The following ADAMTS9 variants were observed in gnomAD, a reference collection of about 807,000 sequenced individuals.
ADAMTS9 encodes the protein A disintegrin and metalloproteinase with thrombospondin motifs 9.
ADAMTS9 carries 107 observed loss-of-function variants against 257.1 expected under a neutral mutation model. The observed-to-expected ratio is 0.42, with a 90% CI of 0.36 to 0.49. The LOEUF (loss-of-function observed/expected upper bound fraction) is 0.49, where lower values mean the gene tolerates loss of function less well. Among genes scored for constraint, ADAMTS9 ranks in the 20% least tolerant of loss-of-function variants. ADAMTS9 has a pLI of 0.03. For synonymous variants in ADAMTS9, 982 were observed against 880.9 expected, an observed-to-expected ratio of 1.11 and a Z score of -2.03; for missense variants, 2,353 against 2,469.1, an observed-to-expected ratio of 0.95 and a Z score of 1.00.
At chr3:64,611,814 T>C (rs1033089430) in intron 22 of ADAMTS9, among the ~76,000 whole-genome samples, 5 of 152,024 alleles carry the variant, frequency 3.3e-5, no homozygotes, top group Non-Finnish European at 5.9e-5. Flanking sequence ...GACCCAAGAG[T>C]TGGGGACCCC....
At chr3:64,621,281 C>A (rs764394702) in intron 18 of ADAMTS9, 41 bp from the exon 19 acceptor site, 1 of 1,579,830 alleles carries the variant, frequency 6.3e-7, no homozygotes, top group Admixed American at 1.8e-5. Flanking sequence ...GGAAAATAAT[C>A]TATTCCATAA....
In ADAMTS9 at chr3:64,622,193, G is replaced by C; in HGVS notation, c.2686+5C>G. On this transcript the variant is annotated splice_donor_5th_base_variant and intron_variant, in intron 18 of 39. Coordinates refer to ENST00000498707, the MANE Select transcript of ADAMTS9 (RefSeq NM_182920.2). ...ATCCCCAGAACTCAAATTCAAAGCA[G>C]ATACCTTGGCAGGGTTTACTGCATG... 1.2e-6 allele frequency: 2 copies of C among 1,605,286 alleles called. No homozygotes were observed. Among genetic ancestry groups the C allele is most frequent in the Middle Eastern group, 3.3e-4 (2 of 5,982 alleles).
At chr3:64,683,463 G>A (rs569521424) in intron 2 of ADAMTS9, among the ~76,000 whole-genome samples, 9 of 152,292 alleles carry the variant, frequency 5.9e-5, no homozygotes, top group East Asian at 3.9e-4. Flanking sequence ...AAATCCCAGC[G>A]CTGCCACTTA....
At chr3:64,647,406 G>A (rs1216925737) in intron 11 of ADAMTS9, among the ~76,000 whole-genome samples, 1 of 152,086 alleles carries the variant, frequency 6.6e-6, no homozygotes, top group Non-Finnish European at 1.5e-5. Flanking sequence ...CAAATCAGTA[G>A]GAACAATTAT....
At position 64,686,754 on chromosome 3, in the gene ADAMTS9, T is replaced by A. The variant is rs756913202; in HGVS notation, c.330A>T (p.Leu110=). 1.2e-6 allele frequency: 2 copies of A among 1,614,018 alleles called. No homozygotes were observed. Among genetic ancestry groups the A allele is most frequent in the South Asian group, 2.2e-5 (2 of 91,068 alleles). Residue 110 remains leucine (L), a synonymous_variant, in exon 2 of 40, where the codon CTA becomes CTT. Transcript: ENST00000498707. The surrounding 1 kb of genome is among the most constrained non-coding windows in gnomAD (Gnocchi z 4.6). ...YRLSAFGQQF[L]FNLTANAGFI... ...ATCCGGCATTGGCGGTGAGATTAAA[T>A]AGAAACTGCTGGCCGAAGGCAGAGA...
intron 4 of ADAMTS9, among the ~76,000 whole-genome samples, chr3:64,658,018 G>A (rs973503745): frequency 6.6e-6 from 1 of 152,112 alleles, no homozygotes; most frequent in East Asian, 1.9e-4. Flanking sequence ...AGGTGACTAT[G>A]GTTCACAACC....
intron 38 of ADAMTS9, among the ~76,000 whole-genome samples, chr3:64,522,675 C>T (rs1257206061): frequency 1.3e-5 from 2 of 152,044 alleles, no homozygotes; most frequent in Non-Finnish European, 2.9e-5. Context: ...CAGCTTCATA[C>T]TGCTTCTCGG....
chr3:64,536,571 T>G (rs115345137), intron 37 of ADAMTS9, among the ~76,000 whole-genome samples: 198 of 152,336 alleles, frequency 1.3e-3, no homozygotes, highest in African/African-American at 4.6e-3. Context: ...ATCATGGATA[T>G]GAATTCAGAC....
intron 4 of ADAMTS9, among the ~76,000 whole-genome samples, chr3:64,658,091 A>G (rs1174236784): frequency 6.6e-6 from 1 of 152,098 alleles, no homozygotes; most frequent in Non-Finnish European, 1.5e-5. Context: ...TGAGGCAAAA[A>G]GCATTGGTTT....
At chr3:64,605,126 C>T (rs978778444) in intron 23 of ADAMTS9, among the ~76,000 whole-genome samples, 3 of 152,138 alleles carry the variant, frequency 2.0e-5, no homozygotes, top group African/African-American at 4.8e-5. Context: ...AATTTTGTTA[C>T]GTGGCTCCAG....
At chr3:64,676,666 T>A (rs1311692888) in intron 3 of ADAMTS9, among the ~76,000 whole-genome samples, 1 of 152,226 alleles carries the variant, frequency 6.6e-6, no homozygotes, top group African/African-American at 2.4e-5. Context: ...CATAATGTAT[T>A]GATCTATCTT....
chr3:64,631,237 T>C lies in ADAMTS9; in HGVS notation c.2389+218A>G, dbSNP rs539763229. ...TTTTTTAAGATCCAGAGTAAATCCCTTGATATCAAATAGTGCAGCTACACA... is the reference window on the plus strand; with the variant it reads ...TTTTTTAAGATCCAGAGTAAATCCCCTGATATCAAATAGTGCAGCTACACA... On this transcript the variant is annotated intron_variant, in intron 16 of 39. Coordinates refer to ENST00000498707, the MANE Select transcript of ADAMTS9 (RefSeq NM_182920.2). Among the ~76,000 whole-genome samples the C allele has an allele frequency of 9.9e-4, 151 of 152,358 alleles. 4 individuals carry two copies. The highest frequency in any genetic ancestry group is 3.4e-3 in the Middle Eastern group (1 of 294).
rs1491355008 is a variant in ADAMTS9, at chr3:64,517,417, T to TTTTTTTTG, written c.*6-297_*6-296insCAAAAAAA. Among the ~76,000 whole-genome samples, 441 of 48,182 alleles carry TTTTTTTTG rather than the reference T, an allele frequency of 9.2e-3. 22 individuals are homozygous for TTTTTTTTG. Among genetic ancestry groups the TTTTTTTTG allele is most frequent in the African/African-American group, 0.044 (401 of 9,028 alleles). The allele number at this position is 48,182 out of a possible 152,430, so 31.6% of individuals were successfully genotyped here. A position where few individuals can be genotyped will look rare whatever the true frequency, so the allele number is the denominator to read the frequency against. On this transcript the variant is annotated intron_variant, in intron 39 of 39. Coordinates refer to ENST00000498707, the MANE Select transcript of ADAMTS9 (RefSeq NM_182920.2). Reference sequence around the variant, plus strand: ...ATCAAGCCCAGCTAATTAAAAATGGTTTTTTTTTTTTTTTTTTTTTTTGCA... The same window carrying TTTTTTTTG: ...ATCAAGCCCAGCTAATTAAAAATGGTTTTTTTTGTTTTTTTTTTTTTTTTTTTTTTGCA...
chr3:64,591,647 A>G (rs2084260567), intron 28 of ADAMTS9, among the ~76,000 whole-genome samples: 1 of 152,182 alleles, frequency 6.6e-6, no homozygotes, highest in South Asian at 2.1e-4. Context: ...CATTTTAGGG[A>G]TGCTGGAAGC....
chr3:64,654,214 A>G (rs1701000583), intron 8 of ADAMTS9, 139 bp downstream of exon 8: 4 of 849,864 alleles, frequency 4.7e-6, no homozygotes, highest in Non-Finnish European at 7.5e-6. Flanking sequence ...ATTAGGTTCA[A>G]AGCTCTTCAA....
intron 28 of ADAMTS9, among the ~76,000 whole-genome samples, chr3:64,590,733 G>A (rs1041270385): frequency 2.6e-5 from 4 of 152,102 alleles, no homozygotes; most frequent in African/African-American, 7.2e-5. Flanking sequence ...ATTCCTTCAT[G>A]AGCTCATAAA....
chr3:64,539,336 G>A (rs757552705), intron 36 of ADAMTS9, 42 bp from the exon 37 acceptor site: 2 of 1,533,268 alleles, frequency 1.3e-6, no homozygotes, highest in Admixed American at 1.7e-5. Context: ...GAAGGTAAGA[G>A]TGGGAGAAAG....
At chr3:64,654,671 A>G in intron 6 of ADAMTS9, 59 bp from the exon 7 acceptor site, 2 of 1,589,230 alleles carry the variant, frequency 1.3e-6, no homozygotes, top group Non-Finnish European at 1.7e-6. Context: ...CAATACAAGT[A>G]AATACTTTAG....
intron 38 of ADAMTS9, among the ~76,000 whole-genome samples, chr3:64,531,747 C>T (rs1035068349): frequency 3.3e-5 from 5 of 152,192 alleles, no homozygotes; most frequent in Admixed American, 1.3e-4. Flanking sequence ...ACTGGGTGTC[C>T]TGTATTTTAT....
Sources: gnomAD v4.1 joint callset for allele counts (sites outside exome capture counted in the v4.1 genomes callset) on GRCh38, gnomAD v4.1.1 for gene constraint, Gnocchi (gnomAD v3.1) non-coding constraint, MANE v1.5 for transcripts, NCBI Gene and HGNC (gene_info 2026-07-23, HGNC 2026-07-21) for gene names.